The following GRID1 variants were observed in gnomAD, a reference collection of about 807,000 sequenced individuals.
The protein encoded by GRID1 is glutamate receptor ionotropic, delta-1.
In GRID1, 28 loss-of-function variants were observed where a neutral mutation model predicts 98.0. The observed-to-expected ratio is 0.29, with a 90% confidence interval of 0.21 to 0.39. The LOEUF is 0.39. Among genes scored for constraint, GRID1 ranks in the 10% least tolerant of loss-of-function variants. The probability of loss-of-function intolerance (pLI) is 1.00; values close to 1 mark genes in which losing one functional copy is unlikely to be tolerated. For missense variants in GRID1, 1,111 were observed against 1,340.5 expected, an observed-to-expected ratio of 0.83 and a Z score of 2.67; for synonymous variants, 553 against 538.5, an observed-to-expected ratio of 1.03 and a Z score of -0.37.
chr10:86,138,793 T>TGAGGCCTCAGGCCCCC (rs1564687318), intron 4 of GRID1, 26 bp downstream of exon 4: 1 of 1,588,334 alleles, frequency 6.3e-7, no homozygotes, highest in Non-Finnish European at 8.6e-7. Context: ...ACCAGGCCCC[T>TGAGGCCTCAGGCCCCC]GAGGCCTCAG....
intron 4 of GRID1, among the ~76,000 whole-genome samples, chr10:85,940,066 CAAA>C (rs34122685): frequency 0.36 from 35,064 of 98,534 alleles, 4,885 homozygotes; most frequent in Middle Eastern, 0.44. Flanking sequence ...GACTCCCTCT[CAAA>C]AAAAAAAAAA....
At chr10:85,843,275 G>A (rs1458539210) in intron 8 of GRID1, among the ~76,000 whole-genome samples, 2 of 151,836 alleles carry the variant, frequency 1.3e-5, no homozygotes, top group East Asian at 3.9e-4. Context: ...ACTTCACAAT[G>A]TCTAAAATAA....
chr10:85,978,137 G>T (rs771042629), intron 4 of GRID1, among the ~76,000 whole-genome samples: 19 of 152,158 alleles, frequency 1.2e-4, no homozygotes, highest in Non-Finnish European at 2.5e-4. Flanking sequence ...TCCCGCAGTG[G>T]ACATTTTTCC....
At chr10:85,853,739 C>T (rs1843082620) in intron 8 of GRID1, among the ~76,000 whole-genome samples, 1 of 152,204 alleles carries the variant, frequency 6.6e-6, no homozygotes, top group Non-Finnish European at 1.5e-5. Flanking sequence ...GATAATTGTT[C>T]TAAGCCCTTA....
intron 5 of GRID1, among the ~76,000 whole-genome samples, chr10:85,913,876 G>A (rs1229677737): frequency 2.0e-5 from 3 of 152,196 alleles, no homozygotes; most frequent in Admixed American, 6.5e-5. Context: ...GGAGGAAGAT[G>A]AGGCTCCCTG....
rs145440489 is a variant in GRID1 at position 86,222,764 on chromosome 10, A to G, written c.236-16116T>C. Among the ~76,000 whole-genome samples the G allele has an allele frequency of 5.3e-5, 8 of 152,328 alleles. No individual in the cohort carries two copies. The East Asian group carries it at 1.5e-3, about 29-fold the overall frequency. On this transcript the variant is annotated intron_variant, in intron 2 of 15. Coordinates refer to ENST00000327946, the MANE Select transcript of GRID1 (RefSeq NM_017551.3). ...TGCCATTCCCCAAGTTGGAGTGGAC[A>G]CAAGTCACAGAGCCCGAGCACTTCC...
At chr10:85,803,519 C>G (rs1183287888) in intron 8 of GRID1, among the ~76,000 whole-genome samples, 1 of 151,868 alleles carries the variant, frequency 6.6e-6, no homozygotes, top group African/African-American at 2.4e-5. Context: ...GTCTCAATAA[C>G]TTTAAAACAA....
intron 2 of GRID1, among the ~76,000 whole-genome samples, chr10:86,362,183 G>T (rs1213131287): frequency 2.0e-5 from 3 of 152,174 alleles, no homozygotes; most frequent in African/African-American, 4.8e-5. Context: ...AACAGAGATG[G>T]GGTTTGTGGA....
At chr10:85,875,832 A>C (rs988951159) in intron 5 of GRID1, among the ~76,000 whole-genome samples, 1 of 152,224 alleles carries the variant, frequency 6.6e-6, no homozygotes, top group African/African-American at 2.4e-5. Context: ...ATTGTTTGAT[A>C]CAGCCAATAT....
intron 8 of GRID1, among the ~76,000 whole-genome samples, chr10:85,751,728 G>A (rs185551489): frequency 2.7e-4 from 41 of 152,046 alleles, no homozygotes; most frequent in Admixed American, 2.6e-3. Flanking sequence ...ATGGTATGTG[G>A]CATGAAGATA....
chr10:86,042,060 G>A (rs981991141), intron 4 of GRID1, among the ~76,000 whole-genome samples: 13 of 152,296 alleles, frequency 8.5e-5, no homozygotes, highest in African/African-American at 3.1e-4. Flanking sequence ...AGCTGAAAGA[G>A]GAACAGGTCC....
chr10:85,828,483 CAGA>C (rs1351251075), intron 8 of GRID1, among the ~76,000 whole-genome samples: 1 of 151,758 alleles, frequency 6.6e-6, no homozygotes, highest in African/African-American at 2.4e-5. Context: ...AAAAACCATA[CAGA>C]AGATCAACAA....
At chr10:86,016,159 T>C (rs1842977282) in intron 4 of GRID1, among the ~76,000 whole-genome samples, 1 of 150,902 alleles carries the variant, frequency 6.6e-6, no homozygotes, top group Non-Finnish European at 1.5e-5. Flanking sequence ...TTTTTTTTTT[T>C]TTTTTGAAAC....
At chr10:86,156,616 C>G (rs1589390906) in intron 3 of GRID1, among the ~76,000 whole-genome samples, 1 of 152,176 alleles carries the variant, frequency 6.6e-6, no homozygotes, top group Non-Finnish European at 1.5e-5. Context: ...TAAGGTAGCT[C>G]AAGGTGAGTT....
chr10:86,353,588 A>C (rs1848493230), intron 2 of GRID1, among the ~76,000 whole-genome samples: 1 of 152,036 alleles, frequency 6.6e-6, no homozygotes, highest in Non-Finnish European at 1.5e-5. Flanking sequence ...TCAGGTGCAC[A>C]GTAGATATGC....
At chr10:85,602,886 CA>C (rs1367064472) in intron 15 of GRID1, among the ~76,000 whole-genome samples, 185 bp from the exon 16 acceptor site, 2 of 152,118 alleles carry the variant, frequency 1.3e-5, no homozygotes, top group Middle Eastern at 3.2e-3. Flanking sequence ...CTGGAGAAGC[CA>C]GGGGGGAGAC....
rs529719441 is a variant in GRID1 at position 85,621,649 on chromosome 10, C to T, written c.2194-1616G>A. On this transcript the variant is annotated intron_variant, in intron 13 of 15. Transcript: ENST00000327946. ...CTGTGCCACTCATTGACTTTCACCT[C>T]GAGGAGCAATCCAAATATTACACCA... 2.0e-5 allele frequency among the ~76,000 whole-genome samples: 3 copies of T among 152,234 alleles called. No homozygotes were observed. In the South Asian group the frequency reaches 6.2e-4, roughly 32 times the overall value.
intron 15 of GRID1, chr10:85,605,920 G>A (rs1159251526): frequency 1.3e-5 from 2 of 152,228 alleles, no homozygotes; most frequent in Admixed American, 1.3e-4. Context: ...AGATGTAAGT[G>A]AGGGAAGTCT....
chr10:85,812,512 A>C (rs1564597929), intron 8 of GRID1, among the ~76,000 whole-genome samples: 1 of 152,140 alleles, frequency 6.6e-6, no homozygotes, highest in South Asian at 2.1e-4. Context: ...AATGATTAGC[A>C]TTTTATTATT....
Sources: allele counts gnomAD v4.1 joint callset (sites outside exome capture counted in the v4.1 genomes callset), GRCh38; gene constraint gnomAD v4.1.1; transcripts MANE v1.5; gene names NCBI Gene and HGNC (gene_info 2026-07-23, HGNC 2026-07-21).